The following TDRD5 variants were observed in gnomAD, a reference collection of about 807,000 sequenced individuals.
TDRD5 encodes the protein tudor domain containing 5.
TDRD5 carries 41 observed loss-of-function variants against 120.6 expected under a neutral mutation model. The observed-to-expected ratio is 0.34, with a 90% CI of 0.26 to 0.44. The LOEUF (loss-of-function observed/expected upper bound fraction) is 0.44. Ranked by LOEUF, TDRD5 falls within the 20% of genes least tolerant of loss-of-function variation. The pLI is 1.00. For missense variants in TDRD5, 1,006 were observed against 1,221.2 expected (o/e 0.82, Z 2.63); for synonymous variants, 430 against 433.7 (o/e 0.99, Z 0.11).
intron 17 of TDRD5, among the ~76,000 whole-genome samples, chr1:179,675,277 T>TATTA (rs757313370): frequency 5.7e-4 from 71 of 125,166 alleles, no homozygotes; most frequent in African/African-American, 1.9e-3. Context: ...ATTATTATTT[T>TATTA]TTTTTTTTTT....
chr1:179,654,111 C>A, intron 13 of TDRD5, 90 bp from the exon 14 acceptor site: 1 of 1,138,570 alleles, frequency 8.8e-7, no homozygotes, highest in Non-Finnish European at 1.2e-6. Context: ...TGAACCATAG[C>A]AAAAACTTCC....
chr1:179,688,691 G>A (rs1013018280), intron 17 of TDRD5, among the ~76,000 whole-genome samples: 14 of 152,134 alleles, frequency 9.2e-5, no homozygotes, highest in African/African-American at 3.1e-4. Flanking sequence ...CCAATCAGAC[G>A]TAGATTTGGT....
intron 4 of TDRD5, among the ~76,000 whole-genome samples, chr1:179,600,173 G>C (rs1246871134): frequency 6.6e-6 from 1 of 152,096 alleles, no homozygotes; most frequent in Admixed American, 6.6e-5. Context: ...TAGCCTAAGT[G>C]TATGATGTTT....
At chr1:179,638,157 A>ACCCAGTTAAAATT (rs1261691572) in intron 9 of TDRD5, among the ~76,000 whole-genome samples, 2 of 131,662 alleles carry the variant, frequency 1.5e-5, no homozygotes, top group South Asian at 2.5e-4. Flanking sequence ...CCATGGGAAG[A>ACCCAGTTAAAATT]TGTTTTCTCT....
chr1:179,606,702 G>T (rs1676002641), intron 4 of TDRD5, among the ~76,000 whole-genome samples: 1 of 151,052 alleles, frequency 6.6e-6, no homozygotes, highest in Non-Finnish European at 1.5e-5. Context: ...TTTGTGAAAA[G>T]ACTATGTTTG....
chr1:179,619,045 T>A (rs571411556), intron 5 of TDRD5, among the ~76,000 whole-genome samples: 1 of 152,156 alleles, frequency 6.6e-6, no homozygotes, highest in Non-Finnish European at 1.5e-5. Flanking sequence ...CTGTTTCATG[T>A]AGAGATCCAT....
chr1:179,630,645 A>T, intron 6 of TDRD5, 122 bp from the exon 7 acceptor site: 1 of 964,646 alleles, frequency 1.0e-6, no homozygotes, highest in Non-Finnish European at 1.5e-6. Flanking sequence ...GTGAGCCTTT[A>T]CTCTGTAATA....
At chr1:179,648,652 A>T (rs924287906) in intron 11 of TDRD5, among the ~76,000 whole-genome samples, 7 of 152,038 alleles carry the variant, frequency 4.6e-5, no homozygotes, top group African/African-American at 1.4e-4. Flanking sequence ...AAAAAATTTT[A>T]AACTTAGAAA....
chr1:179,635,954 G>A (rs1677745379), intron 9 of TDRD5, 67 bp downstream of exon 9: 11 of 1,457,892 alleles, frequency 7.5e-6, no homozygotes, highest in East Asian at 2.3e-5. Flanking sequence ...CAAACATTTC[G>A]GTTTCAGGAC....
intron 15 of TDRD5, 108 bp from the exon 16 acceptor site, chr1:179,663,240 T>C (rs1679400737): frequency 1.5e-6 from 2 of 1,307,416 alleles, no homozygotes; most frequent in Non-Finnish European, 2.1e-6. Context: ...ATAAATACCT[T>C]TTTTAAAAAT....
At chr1:179,664,240 G>A (rs1679455065) in intron 16 of TDRD5, among the ~76,000 whole-genome samples, 1 of 151,968 alleles carries the variant, frequency 6.6e-6, no homozygotes, top group Non-Finnish European at 1.5e-5. Context: ...CTTAATGCAT[G>A]AATTTAGTTT....
At chr1:179,679,309 A>G (rs570543441) in intron 17 of TDRD5, among the ~76,000 whole-genome samples, 75 of 152,148 alleles carry the variant, frequency 4.9e-4, no homozygotes, top group African/African-American at 1.8e-3. Context: ...CATGAGGGAT[A>G]TTTGTCTATA....
intron 11 of TDRD5, among the ~76,000 whole-genome samples, chr1:179,641,669 G>T (rs1351745110): frequency 1.3e-5 from 2 of 152,068 alleles, no homozygotes; most frequent in Non-Finnish European, 2.9e-5. Flanking sequence ...TTTTGGTGTG[G>T]TTTTCAGCAT....
At chr1:179,684,930 G>A (rs1316384567) in intron 17 of TDRD5, among the ~76,000 whole-genome samples, 1 of 152,144 alleles carries the variant, frequency 6.6e-6, no homozygotes, top group Non-Finnish European at 1.5e-5. Flanking sequence ...GTTCTTTGTA[G>A]ACTCTGGATA....
At chr1:179,682,282 A>G (rs544720894) in intron 17 of TDRD5, among the ~76,000 whole-genome samples, 11 of 152,142 alleles carry the variant, frequency 7.2e-5, no homozygotes, top group African/African-American at 2.7e-4. Context: ...TCTGGGATAC[A>G]TGAGCAGAAT....
rs530882342 is a variant in TDRD5 at position 179,634,654 on chromosome 1, A to C, written c.1299+25A>C. On this transcript the variant is annotated intron_variant, in intron 8 of 17. Transcript: ENST00000444136. ...GGTGAGTGAGGTTTAAAGACTGTGC[A>C]CTGGAGATTCAGCATTATGGAAAGT... 5.1e-6 allele frequency: 8 copies of C among 1,576,698 alleles called. No homozygotes were observed. In the East Asian group the frequency reaches 1.3e-4, roughly 26 times the overall value.
chr1:179,609,299 A>G lies in TDRD5; in HGVS notation c.832-9300A>G, dbSNP rs140868712. ...GGATCCCAGTCTAAATATGAAATTCATATATGTTTCATATATACCTTATAC... is the reference window on the plus strand; with the variant it reads ...GGATCCCAGTCTAAATATGAAATTCGTATATGTTTCATATATACCTTATAC... On this transcript the variant is annotated intron_variant, in intron 4 of 17. Transcript: ENST00000444136. 2.8e-3 allele frequency among the ~76,000 whole-genome samples: 430 copies of G among 152,312 alleles called. 1 individual carries two copies. The highest frequency in any genetic ancestry group is 9.8e-3 in the African/African-American group (408 of 41,558).
intron 17 of TDRD5, among the ~76,000 whole-genome samples, chr1:179,690,190 T>G (rs12139382): frequency 0.24 from 36,546 of 152,116 alleles, 4,928 homozygotes; most frequent in East Asian, 0.34. Flanking sequence ...TCAGCCATCT[T>G]AGAACCTCTC....
At chr1:179,610,541 CT>C (rs935859529) in intron 4 of TDRD5, among the ~76,000 whole-genome samples, 1 of 151,846 alleles carries the variant, frequency 6.6e-6, no homozygotes, top group African/African-American at 2.4e-5. Flanking sequence ...GTGGTAGTGT[CT>C]TTTTTTTCCA....
Sources: allele counts gnomAD v4.1 joint callset (sites outside exome capture counted in the v4.1 genomes callset), GRCh38; gene constraint gnomAD v4.1.1; transcripts MANE v1.5; gene names NCBI Gene and HGNC (gene_info 2026-07-23, HGNC 2026-07-21).